Variants in USH2A observed in about 807,000 individuals in gnomAD.
USH2A encodes usherin.
In USH2A, 443 loss-of-function variants were observed where a neutral mutation model predicts 538.9. The observed-to-expected ratio is 0.82, with a 90% CI of 0.76 to 0.89. USH2A has a LOEUF of 0.89. USH2A is among the 40% of genes least tolerant of loss of function. The pLI is 0.00. For synonymous variants in USH2A, 2,413 were observed against 2,273.5 expected (o/e 1.06, Z -1.75); for missense variants, 6,633 against 6,324.8 (o/e 1.05, Z -1.65).
At chr1:215,997,856 G>A (rs1380111942) in intron 34 of USH2A, among the ~76,000 whole-genome samples, 1 of 152,124 alleles carries the variant, frequency 6.6e-6, no homozygotes, top group Non-Finnish European at 1.5e-5. Flanking sequence ...TAACCAAAGT[G>A]CTGTTTCATA....
At chr1:215,991,910 A>T (rs1209767105) in intron 35 of USH2A, among the ~76,000 whole-genome samples, 2 of 152,184 alleles carry the variant, frequency 1.3e-5, no homozygotes, top group Admixed American at 1.3e-4. Flanking sequence ...GCATAACAAG[A>T]TTGTTGATTG....
At chr1:216,395,092 C>T (rs1375527546) in intron 3 of USH2A, among the ~76,000 whole-genome samples, 1 of 152,160 alleles carries the variant, frequency 6.6e-6, no homozygotes, top group Non-Finnish European at 1.5e-5. Flanking sequence ...ACTGTTGAGA[C>T]TTCTGTCAAA....
chr1:215,910,990 C>T (rs190138913), intron 38 of USH2A, among the ~76,000 whole-genome samples: 56 of 151,814 alleles, frequency 3.7e-4, no homozygotes, highest in African/African-American at 1.2e-3. Flanking sequence ...CTGCTTATAC[C>T]CAATACAGAG....
At chr1:215,743,408 G>GTATATATATT in intron 58 of USH2A, 73 bp from the exon 59 acceptor site, 1 of 474,528 alleles carries the variant, frequency 2.1e-6, no homozygotes, top group Non-Finnish European at 3.3e-6. Flanking sequence ...GTGTGTGTGT[G>GTATATATATT]TGTGTGTGTA....
chr1:215,821,123 T>C (rs1409214369), intron 47 of USH2A, among the ~76,000 whole-genome samples: 1 of 151,742 alleles, frequency 6.6e-6, no homozygotes, highest in Non-Finnish European at 1.5e-5. Flanking sequence ...ATTGCTACAT[T>C]ATACAGTAGT....
At chr1:215,669,351 T>C (rs1236248696) in intron 64 of USH2A, among the ~76,000 whole-genome samples, 7 of 152,214 alleles carry the variant, frequency 4.6e-5, no homozygotes, top group Admixed American at 4.6e-4. Context: ...TTTCTAACAG[T>C]GTTACGTTTC....
At chr1:216,077,309 GTTA>G (rs1164191477) in intron 27 of USH2A, among the ~76,000 whole-genome samples, 2 of 151,800 alleles carry the variant, frequency 1.3e-5, no homozygotes, top group African/African-American at 4.8e-5. Flanking sequence ...TTCTCTTATA[GTTA>G]TTAATAATCT....
chr1:216,086,934 C>G, intron 23 of USH2A, 114 bp from the exon 24 acceptor site: 9 of 767,402 alleles, frequency 1.2e-5, no homozygotes, highest in South Asian at 1.2e-4. Flanking sequence ...TGGTTTTCCT[C>G]TCTCCTCATT....
At chr1:216,411,574 A>C (rs1029803917) in intron 3 of USH2A, among the ~76,000 whole-genome samples, 1 of 152,158 alleles carries the variant, frequency 6.6e-6, no homozygotes, top group Admixed American at 6.6e-5. Context: ...CAAGCTAAGG[A>C]GCATCAAGGA....
intron 58 of USH2A, among the ~76,000 whole-genome samples, chr1:215,751,637 T>C (rs1660626182): frequency 6.6e-6 from 1 of 152,156 alleles, no homozygotes; most frequent in African/African-American, 2.4e-5. Context: ...TTCCATAATT[T>C]TTCACCTATT....
rs1343726911 is a variant in USH2A, at chr1:216,073,257, A to C, written c.5616T>G (p.Ala1872=). The C allele has an allele frequency of 2.5e-6, 4 of 1,613,806 alleles. No individual in the cohort carries two copies. The highest frequency in any genetic ancestry group is 3.4e-6 in the Non-Finnish European group (4 of 1,179,960). ...CMKDVKFTRG[A]VVNLASVSSG... is the part of the protein sequence containing the mutation. ...TGGACACAGATGCCAAGTTAACGAC[A>C]GCACCCCGTGTAAATTTAACATCCT... The change falls in exon 28 of 72, where the codon GCT becomes GCG. Residue 1872 remains alanine, a synonymous_variant. Transcript: ENST00000307340.
At chr1:216,318,653 T>C (rs777596607) in intron 9 of USH2A, among the ~76,000 whole-genome samples, 2 of 152,220 alleles carry the variant, frequency 1.3e-5, no homozygotes, top group African/African-American at 4.8e-5. Context: ...GCTAAATTCA[T>C]AAACTATCAA....
intron 11 of USH2A, among the ~76,000 whole-genome samples, chr1:216,259,931 A>G (rs1175139105): frequency 1.3e-5 from 2 of 152,120 alleles, no homozygotes; most frequent in East Asian, 3.9e-4. Context: ...ATGAAGAAAT[A>G]TAAATAAATA....
chr1:216,198,709 A>C, intron 17 of USH2A, 125 bp from the exon 18 acceptor site: 1 of 904,248 alleles, frequency 1.1e-6, no homozygotes, highest in South Asian at 1.6e-5. Flanking sequence ...GATTACTGTC[A>C]ATTTCTTTAG....
intron 32 of USH2A, among the ~76,000 whole-genome samples, chr1:216,040,198 A>G (rs1213775380): frequency 6.6e-6 from 1 of 152,044 alleles, no homozygotes; most frequent in African/African-American, 2.4e-5. Context: ...ATGGTTCTAG[A>G]TATCAGTCAC....
intron 3 of USH2A, among the ~76,000 whole-genome samples, chr1:216,414,216 C>T (rs2039539552): frequency 6.6e-6 from 1 of 151,946 alleles, no homozygotes; most frequent in African/African-American, 2.4e-5. Flanking sequence ...AAAAATGACA[C>T]AATGAATTTT....
intron 21 of USH2A, among the ~76,000 whole-genome samples, chr1:216,163,781 T>C (rs2034114180): frequency 6.6e-6 from 1 of 151,802 alleles, no homozygotes; most frequent in Non-Finnish European, 1.5e-5. Context: ...ATTTTTTGCC[T>C]GTCTTTTTTT....
intron 21 of USH2A, among the ~76,000 whole-genome samples, chr1:216,134,991 A>G (rs1325527284): frequency 6.6e-6 from 1 of 152,084 alleles, no homozygotes; most frequent in Non-Finnish European, 1.5e-5. Flanking sequence ...AAACTGGCAG[A>G]TCATAATCTA....
chr1:215,850,577 G>A (rs1356171646), intron 44 of USH2A, among the ~76,000 whole-genome samples: 1 of 152,016 alleles, frequency 6.6e-6, no homozygotes, highest in Non-Finnish European at 1.5e-5. Context: ...AGTTTAAAAA[G>A]GGCAACATAA....
Sources: allele counts gnomAD v4.1 joint callset (sites outside exome capture counted in the v4.1 genomes callset), GRCh38; gene constraint gnomAD v4.1.1; transcripts MANE v1.5; gene names NCBI Gene and HGNC (gene_info 2026-07-23, HGNC 2026-07-21).